ACVR1C: variants seen among roughly 807,000 people sequenced by gnomAD.
The protein encoded by ACVR1C is activin A receptor type 1C, also known as activin receptor type-1C.
In ACVR1C, 23 loss-of-function variants were observed where a neutral mutation model predicts 57.9. That is an observed-to-expected ratio of 0.40 (90% CI 0.29 to 0.56). ACVR1C has a LOEUF of 0.56. Among genes scored for constraint, ACVR1C ranks in the 20% least tolerant of loss-of-function variants. The pLI is 0.50. For missense variants in ACVR1C, 480 were observed against 607.9 expected (o/e 0.79, Z 2.21); for synonymous variants, 214 against 215.3 (o/e 0.99, Z 0.05).
rs1488358071 is a variant in ACVR1C at position 157,542,733 on chromosome 2, G to A, written c.1073C>T (p.Pro358Leu). 1.2e-6 allele frequency: 2 copies of A among 1,613,380 alleles called. No individual in the cohort carries two copies. The highest frequency in any genetic ancestry group is 8.5e-7 in the Non-Finnish European group (1 of 1,179,712). Residue 358 changes from proline (P) to leucine (L), a missense_variant, in exon 6 of 9, where the codon CCT (proline) becomes CTT (leucine). Physicochemically the swap from Pro to Leu is moderately conservative, Grantham distance 98 (BLOSUM62 -3). Transcript: ENST00000243349. ...HDSILNTIDI[P>L]QNPKVGTKRY... is the part of the protein sequence containing the mutation. ...CTTGGTTCCCACTTTAGGATTCTGA[G>A]GTATGTCGATAGTGTTCAGTATTGA...
intron 8 of ACVR1C, among the ~76,000 whole-genome samples, chr2:157,535,899 C>T (rs1264265707): frequency 1.3e-5 from 2 of 152,190 alleles, no homozygotes; most frequent in Admixed American, 6.5e-5. Flanking sequence ...GCCCTGACTC[C>T]TCATTATCCT....
At chr2:157,616,975 C>A (rs1443938524) in intron 1 of ACVR1C, among the ~76,000 whole-genome samples, 1 of 151,880 alleles carries the variant, frequency 6.6e-6, no homozygotes, top group Non-Finnish European at 1.5e-5. Flanking sequence ...AATTACTATA[C>A]TAATTGTTAA....
At chr2:157,563,866 A>G (rs929762766) in intron 2 of ACVR1C, among the ~76,000 whole-genome samples, 1 of 152,238 alleles carries the variant, frequency 6.6e-6, no homozygotes, top group Non-Finnish European at 1.5e-5. Flanking sequence ...AGCAATGGGG[A>G]AAAGATTCCC....
chr2:157,540,947 T>C (rs940802204), intron 7 of ACVR1C, 143 bp downstream of exon 7: 21 of 1,051,272 alleles, frequency 2.0e-5, no homozygotes, highest in African/African-American at 9.7e-5. Flanking sequence ...CTTTTGCCAC[T>C]GGAAATATAT....
chr2:157,625,183 G>T (rs1199420485), intron 1 of ACVR1C, among the ~76,000 whole-genome samples: 2 of 152,094 alleles, frequency 1.3e-5, no homozygotes, highest in East Asian at 3.9e-4. Flanking sequence ...TCAAAACTGA[G>T]CTCCTGTGAT....
intron 1 of ACVR1C, among the ~76,000 whole-genome samples, chr2:157,622,183 T>C (rs1469960883): frequency 6.6e-6 from 1 of 152,022 alleles, no homozygotes; most frequent in Non-Finnish European, 1.5e-5. Flanking sequence ...ATATAAGACT[T>C]AGAAGACCAA....
intron 3 of ACVR1C, 100 bp downstream of exon 3, chr2:157,555,993 C>T (rs962187833): frequency 4.1e-5 from 55 of 1,346,820 alleles, no homozygotes; most frequent in Admixed American, 1.8e-4. Context: ...CCTTTCAAGA[C>T]GGAATTCATA....
intron 2 of ACVR1C, among the ~76,000 whole-genome samples, chr2:157,586,112 ACACTTCTTCTCTC>A (rs1180488684): frequency 3.9e-5 from 6 of 152,156 alleles, no homozygotes; most frequent in Admixed American, 3.9e-4. Flanking sequence ...TATGTCTTTT[ACACTTCTTCTCTC>A]TTTTAAAAAA....
intron 2 of ACVR1C, among the ~76,000 whole-genome samples, chr2:157,556,938 C>T (rs1324922994): frequency 1.3e-5 from 2 of 152,170 alleles, no homozygotes; most frequent in Non-Finnish European, 2.9e-5. Flanking sequence ...GCTGGGATTA[C>T]AGGCGTGAGC....
chr2:157,601,537 C>T (rs948269368), intron 1 of ACVR1C, among the ~76,000 whole-genome samples: 2 of 152,014 alleles, frequency 1.3e-5, no homozygotes, highest in East Asian at 1.9e-4. Flanking sequence ...TTAGCCAGAA[C>T]GAAAGGAAAG....
intron 1 of ACVR1C, among the ~76,000 whole-genome samples, chr2:157,588,500 T>A (rs988869980): frequency 2.0e-5 from 3 of 151,866 alleles, no homozygotes; most frequent in Non-Finnish European, 4.4e-5. Context: ...GTGAACTGTA[T>A]AATGGTGAAG....
At chr2:157,595,928 T>A (rs1682095499) in intron 1 of ACVR1C, among the ~76,000 whole-genome samples, 1 of 152,228 alleles carries the variant, frequency 6.6e-6, no homozygotes, top group African/African-American at 2.4e-5. Context: ...CTGCTCCCCA[T>A]CCTTCCTGCT....
intron 2 of ACVR1C, among the ~76,000 whole-genome samples, chr2:157,566,136 G>C (rs1286549541): frequency 1.3e-5 from 2 of 152,242 alleles, no homozygotes; most frequent in South Asian, 2.1e-4. Flanking sequence ...AAATAACTTA[G>C]ATAGTAATTA....
At chr2:157,576,669 T>G (rs1262724076) in intron 2 of ACVR1C, among the ~76,000 whole-genome samples, 2 of 152,134 alleles carry the variant, frequency 1.3e-5, no homozygotes, top group Admixed American at 6.5e-5. Flanking sequence ...TGAGAATGGC[T>G]TGTACTTTTC....
chr2:157,579,786 T>A (rs2105249376), intron 2 of ACVR1C, among the ~76,000 whole-genome samples: 1 of 152,258 alleles, frequency 6.6e-6, no homozygotes, highest in Admixed American at 6.5e-5. Flanking sequence ...GTCATATGAG[T>A]CACTGAATTT....
At chr2:157,544,638 T>C in intron 4 of ACVR1C, 26 bp from the exon 5 acceptor site, 4 of 1,581,428 alleles carry the variant, frequency 2.5e-6, no homozygotes, top group Non-Finnish European at 3.5e-6. Context: ...AATTTTGTTG[T>C]TGTAAATACA....
chr2:157,549,771 G>A (rs1256335605), intron 4 of ACVR1C, among the ~76,000 whole-genome samples: 2 of 149,596 alleles, frequency 1.3e-5, no homozygotes, highest in East Asian at 3.9e-4. Flanking sequence ...AGATCACGAG[G>A]TCAGGAGATC....
chr2:157,573,194 C>G (rs1688564975), intron 2 of ACVR1C, among the ~76,000 whole-genome samples: 1 of 151,934 alleles, frequency 6.6e-6, no homozygotes, highest in Non-Finnish European at 1.5e-5. Context: ...AAATGCAAAC[C>G]TTTGGTTTGG....
chr2:157,615,384 G>T (rs1402302248), intron 1 of ACVR1C, among the ~76,000 whole-genome samples: 1 of 150,284 alleles, frequency 6.7e-6, no homozygotes, highest in Non-Finnish European at 1.5e-5. Context: ...TGTGGGTTTT[G>T]CCTGTTTTGA....
Sources: allele counts gnomAD v4.1 joint callset (sites outside exome capture counted in the v4.1 genomes callset), GRCh38; gene constraint gnomAD v4.1.1; transcripts MANE v1.5; gene names NCBI Gene and HGNC (gene_info 2026-07-23, HGNC 2026-07-21).